PRDM16: variants seen among roughly 807,000 people sequenced by gnomAD.
The protein encoded by PRDM16 is histone-lysine N-methyltransferase PRDM16.
Under a neutral mutation model 110.6 loss-of-function variants are expected in PRDM16, and 23 were observed. The ratio of observed to expected loss-of-function variants is 0.21; its 90% confidence interval spans 0.15 to 0.29. The LOEUF (loss-of-function observed/expected upper bound fraction) is 0.29. Ranked by LOEUF, PRDM16 falls within the 10% of genes least tolerant of loss-of-function variation. PRDM16 has a pLI of 1.00. For synonymous variants in PRDM16, 799 were observed against 781.8 expected (o/e 1.02, Z -0.37); for missense variants, 1,615 against 1,794.3 (o/e 0.90, Z 1.81).
chr1:3,127,333 G>A (rs1427800171), intron 1 of PRDM16, among the ~76,000 whole-genome samples: 1 of 152,158 alleles, frequency 6.6e-6, no homozygotes, highest in East Asian at 1.9e-4. Context: ...TTGGTTTCTG[G>A]AACCTTGCTT....
intron 3 of PRDM16, among the ~76,000 whole-genome samples, chr1:3,297,565 C>T (rs986353581): frequency 2.0e-5 from 3 of 152,060 alleles, no homozygotes; most frequent in East Asian, 1.9e-4. Flanking sequence ...ATTGCAGGTG[C>T]GAACCACTGC....
At chr1:3,312,349 G>A (rs183652896) in intron 3 of PRDM16, among the ~76,000 whole-genome samples, 3 of 152,300 alleles carry the variant, frequency 2.0e-5, no homozygotes, top group South Asian at 2.1e-4. Context: ...TCACTGGGCC[G>A]GTGACATGAG....
Position 3,081,433 on chromosome 1 carries a change from G to A in PRDM16, c.37+12137G>A, listed in dbSNP as rs974490469. On this transcript the variant is annotated intron_variant, in intron 1 of 16. Coordinates refer to ENST00000270722, the MANE Select transcript of PRDM16 (RefSeq NM_022114.4). This position sits in a 1 kb window ranked among gnomAD's most constrained non-coding sequence, Gnocchi z 4.6. ...CAGCCTGGCCCGGCCGGCCCCTGGA[G>A]AGCCCCCTCCTTGTCCCACCAGACC... 3.9e-5 allele frequency among the ~76,000 whole-genome samples: 6 copies of A among 152,200 alleles called. No individual in the cohort carries two copies. Among genetic ancestry groups the A allele is most frequent in the East Asian group, 1.9e-4 (1 of 5,178 alleles).
At chr1:3,418,454 C>T (rs145243705) in intron 11 of PRDM16, among the ~76,000 whole-genome samples, 10 of 152,304 alleles carry the variant, frequency 6.6e-5, no homozygotes, top group African/African-American at 2.4e-4. Flanking sequence ...GGGGCAGGGG[C>T]TGCTCTGTCT....
chr1:3,349,683 C>T (rs1339158948), intron 3 of PRDM16, among the ~76,000 whole-genome samples: 2 of 152,196 alleles, frequency 1.3e-5, no homozygotes, highest in Non-Finnish European at 2.9e-5. Context: ...GTAGCTTCCC[C>T]TCCCTCCCAC....
At chr1:3,238,810 C>T (rs1454065416) in intron 2 of PRDM16, among the ~76,000 whole-genome samples, 1 of 152,242 alleles carries the variant, frequency 6.6e-6, no homozygotes, top group African/African-American at 2.4e-5. Context: ...GGCCTCTGTC[C>T]TGCCGGAGCA....
Position 3,392,484 on chromosome 1 carries a change from G to A in PRDM16, c.574-4007G>A, listed in dbSNP as rs373071463. ...CCCAGTTCCTTTTAGTCTGCAGTCC[G>A]GTGATTCCCACCTGGTGGAATTTGC... On this transcript the variant is annotated intron_variant, in intron 4 of 16. Coordinates refer to ENST00000270722, the MANE Select transcript of PRDM16 (RefSeq NM_022114.4). Among the ~76,000 whole-genome samples the A allele has an allele frequency of 1.4e-4, 21 of 152,172 alleles. 1 individual carries two copies. Among genetic ancestry groups the A allele is most frequent in the East Asian group, 3.8e-4 (2 of 5,196 alleles).
intron 1 of PRDM16, among the ~76,000 whole-genome samples, chr1:3,173,132 A>G (rs1003870798): frequency 2.6e-5 from 4 of 152,186 alleles, no homozygotes; most frequent in African/African-American, 9.7e-5. Flanking sequence ...AGGGCCAGGG[A>G]GCCTCGGCTG....
At chr1:3,377,507 CACTTGGTA>C (rs1034946878) in intron 3 of PRDM16, among the ~76,000 whole-genome samples, 6 of 152,216 alleles carry the variant, frequency 3.9e-5, no homozygotes, top group African/African-American at 1.4e-4. Flanking sequence ...TCCCCCACTT[CACTTGGTA>C]ACTCAGCATT....
rs1214946954 is a variant in PRDM16 at position 3,364,833 on chromosome 1, G to C, written c.439-20319G>C. ...TGCCCCGAGCAGGACACGTTGCTTC[G>C]GAAGGAAGCAGCATGTTTTCGGGGA... On this transcript the variant is annotated intron_variant, in intron 3 of 16. Coordinates refer to ENST00000270722, the MANE Select transcript of PRDM16 (RefSeq NM_022114.4). Among the ~76,000 whole-genome samples the C allele has an allele frequency of 3.3e-5, 5 of 152,204 alleles. No individual in the cohort carries two copies. In the East Asian group the frequency reaches 9.6e-4, roughly 29 times the overall value.
intron 4 of PRDM16, among the ~76,000 whole-genome samples, chr1:3,393,162 A>G (rs776385819): frequency 1.9e-4 from 29 of 152,268 alleles, no homozygotes; most frequent in Non-Finnish European, 2.9e-4. Flanking sequence ...ACCAAAGGGA[A>G]AATTCCAGCC....
At chr1:3,147,880 C>T (rs781713108) in intron 1 of PRDM16, among the ~76,000 whole-genome samples, 2 of 152,298 alleles carry the variant, frequency 1.3e-5, no homozygotes, top group Non-Finnish European at 2.9e-5. Flanking sequence ...CCTCTCGCCC[C>T]AGCCAGAGCA....
intron 1 of PRDM16, among the ~76,000 whole-genome samples, chr1:3,107,786 G>C (rs1642698939): frequency 6.6e-6 from 1 of 152,254 alleles, no homozygotes; most frequent in Admixed American, 6.5e-5. Flanking sequence ...TGGTTGTGCT[G>C]GCTGTGGCCC....
rs570540431 is a variant in PRDM16, at chr1:3,339,836, C to T, written c.439-45316C>T. Among the ~76,000 whole-genome samples the T allele has an allele frequency of 6.6e-6, 1 of 152,336 alleles. No homozygotes were observed. The highest frequency in any genetic ancestry group is 1.9e-4 in the East Asian group (1 of 5,182). On this transcript the variant is annotated intron_variant, in intron 3 of 16. Transcript: ENST00000270722. The surrounding 1 kb of genome is among the most constrained non-coding windows in gnomAD (Gnocchi z 5.0). ...CTGTCACTCAAAGGGAGGAAGAATC[C>T]ACTCTGGCCAGGGCCGGTGCTAGGG...
chr1:3,119,868 C>T (rs531335124), intron 1 of PRDM16, among the ~76,000 whole-genome samples: 30 of 152,286 alleles, frequency 2.0e-4, no homozygotes, highest in African/African-American at 6.0e-4. Context: ...CTGCAGTGTG[C>T]GGGGGAGAGG....
chr1:3,328,243 G>A (rs575827094), intron 3 of PRDM16, among the ~76,000 whole-genome samples: 4 of 152,368 alleles, frequency 2.6e-5, no homozygotes, highest in Admixed American at 1.3e-4. Flanking sequence ...TCCCTGGTCA[G>A]GTTTCTTAAT....
intron 3 of PRDM16, among the ~76,000 whole-genome samples, chr1:3,276,945 C>T (rs1640599851): frequency 6.6e-6 from 1 of 152,086 alleles, no homozygotes; most frequent in African/African-American, 2.4e-5. Context: ...ATCACGACCC[C>T]GGGCAGCGTC....
At chr1:3,326,278 C>T (rs960323675) in intron 3 of PRDM16, among the ~76,000 whole-genome samples, 2 of 152,282 alleles carry the variant, frequency 1.3e-5, no homozygotes, top group Non-Finnish European at 2.9e-5. Flanking sequence ...GAGCACTTCC[C>T]TGTGTGTCTT....
At chr1:3,216,875 C>T (rs2817146) in intron 2 of PRDM16, among the ~76,000 whole-genome samples, 23,252 of 152,270 alleles carry the variant, frequency 0.15, 2,305 homozygotes, top group African/African-American at 0.27. Context: ...GCCCACTGTC[C>T]GCACCTCTGT....
Sources: gnomAD v4.1 joint callset for allele counts (sites outside exome capture counted in the v4.1 genomes callset) on GRCh38, gnomAD v4.1.1 for gene constraint, Gnocchi (gnomAD v3.1) non-coding constraint, MANE v1.5 for transcripts, NCBI Gene and HGNC (gene_info 2026-07-23, HGNC 2026-07-21) for gene names.